Variants in MEIS1 observed in about 807,000 individuals in gnomAD.
MEIS1 encodes Meis homeobox 1.
Under a neutral mutation model 50.8 loss-of-function variants are expected in MEIS1, and 5 were observed. The observed-to-expected ratio is 0.10, with a 90% confidence interval of 0.05 to 0.21. MEIS1 has a LOEUF of 0.21. MEIS1 is among the 10% of genes least tolerant of loss of function. The probability of loss-of-function intolerance (pLI) is 1.00; values close to 1 mark genes in which losing one functional copy is unlikely to be tolerated. For synonymous variants in MEIS1, 176 were observed against 179.3 expected, an observed-to-expected ratio of 0.98 and a Z score of 0.15; for missense variants, 318 against 517.3, an observed-to-expected ratio of 0.61 and a Z score of 3.74.
At chr2:66,526,152 A>C (rs1674246082) in intron 8 of MEIS1, among the ~76,000 whole-genome samples, 1 of 152,196 alleles carries the variant, frequency 6.6e-6, no homozygotes, top group African/African-American at 2.4e-5. Context: ...TGAAAAGTAT[A>C]TTTCCTCCAG....
chr2:66,441,478 C>A lies in MEIS1; in HGVS notation c.483+14C>A. 19 of 1,535,412 alleles carry A rather than the reference C, an allele frequency of 1.2e-5. No individual in the cohort carries two copies. The highest frequency in any genetic ancestry group is 1.7e-5 in the Non-Finnish European group (19 of 1,139,688). On this transcript the variant is annotated intron_variant, in intron 5 of 12. Transcript: ENST00000272369. ...GAATTAGAGAAGGTAATTTCTCTAG[C>A]CTCTTTTCCTTTTACTTACCCCTTA...
At chr2:66,500,724 C>T (rs1482716342) in intron 7 of MEIS1, among the ~76,000 whole-genome samples, 1 of 152,178 alleles carries the variant, frequency 6.6e-6, no homozygotes, top group African/African-American at 2.4e-5. Flanking sequence ...CGTGCCCGGC[C>T]AGCTTTTTTA....
intron 7 of MEIS1, among the ~76,000 whole-genome samples, chr2:66,497,493 A>G (rs369142812): frequency 6.6e-6 from 1 of 152,218 alleles, no homozygotes; most frequent in East Asian, 1.9e-4. Context: ...ATGGAAAGTT[A>G]GTCCTGTTTT....
chr2:66,449,082 G>C (rs1007540523), intron 6 of MEIS1, among the ~76,000 whole-genome samples: 3 of 152,024 alleles, frequency 2.0e-5, no homozygotes, highest in African/African-American at 7.2e-5. Context: ...AAAAATTATG[G>C]GAAAGTATTC....
In MEIS1 at chr2:66,565,970, T is replaced by C. The variant is rs528761216; in HGVS notation, c.966-1483T>C. 8.5e-5 allele frequency among the ~76,000 whole-genome samples: 13 copies of C among 152,324 alleles called. No homozygotes were observed. In the East Asian group the frequency reaches 1.5e-3, roughly 18 times the overall value. ...GGTGTTTGTGCTACACCTGTGCTTATAATGAGAATGGAGAATTAATCTAAC... is the reference window on the plus strand; with the variant it reads ...GGTGTTTGTGCTACACCTGTGCTTACAATGAGAATGGAGAATTAATCTAAC... On this transcript the variant is annotated intron_variant, in intron 9 of 12. Transcript: ENST00000272369.
chr2:66,525,034 T>C (rs1231881800), intron 8 of MEIS1, among the ~76,000 whole-genome samples: 2 of 152,026 alleles, frequency 1.3e-5, no homozygotes, highest in Non-Finnish European at 2.9e-5. Context: ...GGCAACATGG[T>C]GAAACCCTGT....
chr2:66,489,253 G>A (rs550103152), intron 7 of MEIS1, among the ~76,000 whole-genome samples: 2 of 152,264 alleles, frequency 1.3e-5, no homozygotes, highest in South Asian at 4.1e-4. Flanking sequence ...ACTGAATATG[G>A]CAAACAAGTA....
At chr2:66,506,443 G>C (rs1278412241) in intron 7 of MEIS1, among the ~76,000 whole-genome samples, 1 of 152,162 alleles carries the variant, frequency 6.6e-6, no homozygotes, top group African/African-American at 2.4e-5. Flanking sequence ...AGAACTTCAA[G>C]TCTGCTCAGG....
chr2:66,508,906 G>C (rs1673751386), intron 7 of MEIS1: 1 of 427,294 alleles, frequency 2.3e-6, no homozygotes, highest in Non-Finnish European at 4.8e-6. Flanking sequence ...CACCTTTTCA[G>C]TTTGCCTTCA....
In MEIS1 at chr2:66,571,399, A is replaced by C; in HGVS notation, c.*191A>C. Reference sequence around the variant, plus strand: ...CATACGTACATTCCTGGACACCCTCACCACCCAACAGTGATGATGCATGGA... The same window carrying C: ...CATACGTACATTCCTGGACACCCTCCCCACCCAACAGTGATGATGCATGGA... On this transcript the variant is annotated 3_prime_UTR_variant, in exon 13 of 13. Transcript: ENST00000272369. 1 of 1,605,000 alleles carries C rather than the reference A, an allele frequency of 6.2e-7. No homozygotes were observed. The highest frequency in any genetic ancestry group is 1.1e-5 in the South Asian group (1 of 90,084).
At chr2:66,528,318 G>A (rs913637513) in intron 8 of MEIS1, among the ~76,000 whole-genome samples, 7 of 152,156 alleles carry the variant, frequency 4.6e-5, no homozygotes, top group African/African-American at 1.7e-4. Context: ...AAATACAGAG[G>A]TGGCATGAAT....
At chr2:66,559,361 G>A (rs1243263919) in intron 9 of MEIS1, among the ~76,000 whole-genome samples, 1 of 152,110 alleles carries the variant, frequency 6.6e-6, no homozygotes, top group Non-Finnish European at 1.5e-5. Flanking sequence ...TGTTAACAGT[G>A]CCTCTTCACT....
At position 66,573,356 on chromosome 2, in the gene MEIS1, A is replaced by G. The variant is rs970442262; in HGVS notation, c.*2148A>G. The G allele has an allele frequency of 6.6e-6, 1 of 152,250 alleles. No homozygotes were observed. The highest frequency in any genetic ancestry group is 2.4e-5 in the African/African-American group (1 of 41,468). The allele number at this position is 152,250 out of a possible 1,614,324, so 9.4% of individuals were successfully genotyped here. ...TGCTTCCCAAAGCTAAGGAAAATAT[A>G]CAAATATTTTAATTAAGGCAAATTC... On this transcript the variant is annotated 3_prime_UTR_variant, in exon 13 of 13. Coordinates refer to ENST00000272369, the MANE Select transcript of MEIS1 (RefSeq NM_002398.3).
rs1314099776 is a variant in MEIS1, at chr2:66,495,078, ACCT to A, written c.743-17070_743-17068del. ...CAGAATGCCCACTTTCCCTCTTCTGACCTTTTTTTTTTTTTTTTTTTTTTTTTT... is the reference window on the plus strand; with the variant it reads ...CAGAATGCCCACTTTCCCTCTTCTGATTTTTTTTTTTTTTTTTTTTTTTTT... On this transcript the variant is annotated intron_variant, in intron 7 of 12. Transcript: ENST00000272369. Among the ~76,000 whole-genome samples the A allele has an allele frequency of 3.6e-4, 31 of 85,072 alleles. 3 individuals are homozygous for A. Among genetic ancestry groups the A allele is most frequent in the East Asian group, 1.1e-3 (3 of 2,828 alleles). 55.8% of individuals were successfully genotyped at this position (85,072 alleles called of 152,430 possible). A position where few individuals can be genotyped will look rare whatever the true frequency, so the allele number is the denominator to read the frequency against.
Position 66,567,517 on chromosome 2 carries a change from T to TC in MEIS1, c.1024+11dup. ...AGACCAGTCCAACCGAGCAGGCAAG[T>TC]CCCCCATAGTGACTGTATTCAAGTC... is the stretch of plus-strand genomic sequence containing the variant. On this transcript the variant is annotated splice_region_variant and intron_variant, in intron 10 of 12. Transcript: ENST00000272369. 1 of 1,613,374 alleles carries TC rather than the reference T, an allele frequency of 6.2e-7. No individual in the cohort carries two copies. Among genetic ancestry groups the TC allele is most frequent in the Non-Finnish European group, 8.5e-7 (1 of 1,179,732 alleles).
At chr2:66,500,162 G>T (rs1449631551) in intron 7 of MEIS1, among the ~76,000 whole-genome samples, 1 of 152,154 alleles carries the variant, frequency 6.6e-6, no homozygotes, top group Non-Finnish European at 1.5e-5. Context: ...TCATTTCTCT[G>T]TAGAAAGTAT....
chr2:66,535,995 C>A (rs1275372739), intron 8 of MEIS1, among the ~76,000 whole-genome samples: 1 of 152,132 alleles, frequency 6.6e-6, no homozygotes, highest in African/African-American at 2.4e-5. Flanking sequence ...AGGTAAATTG[C>A]ATTTGAATCT....
chr2:66,440,401 C>G, intron 3 of MEIS1, 161 bp from the exon 4 acceptor site: 1 of 674,152 alleles, frequency 1.5e-6, no homozygotes, highest in Non-Finnish European at 2.7e-6. Context: ...TGAAATGTTT[C>G]TGCGCGGGAC....
In MEIS1 at chr2:66,435,869, G is replaced by T; in HGVS notation, c.12+1G>T. The T allele has an allele frequency of 6.4e-7, 1 of 1,568,074 alleles. No individual in the cohort carries two copies. The highest frequency in any genetic ancestry group is 8.6e-7 in the Non-Finnish European group (1 of 1,162,110). ...GCCAGAGAGGCCGATGGCGCAAAGG[G>T]TACGTATTAAAAAACAATTGTGGAA... On this transcript the variant is annotated splice_donor_variant, in intron 1 of 12. Coordinates refer to ENST00000272369, the MANE Select transcript of MEIS1 (RefSeq NM_002398.3). LOFTEE classifies it high-confidence loss of function.
Sources: gnomAD v4.1 joint callset for allele counts (sites outside exome capture counted in the v4.1 genomes callset) on GRCh38, gnomAD v4.1.1 for gene constraint, MANE v1.5 for transcripts, NCBI Gene and HGNC (gene_info 2026-07-23, HGNC 2026-07-21) for gene names.